C3orf18: variants seen among roughly 807,000 people sequenced by gnomAD.
C3orf18 encodes the protein chromosome 3 open reading frame 18.
In C3orf18, 12 loss-of-function variants were observed where a neutral mutation model predicts 14.1. The ratio of observed to expected loss-of-function variants is 0.85; its 90% confidence interval spans 0.55 to 1.38. C3orf18 has a LOEUF of 1.38. Ranked by LOEUF, C3orf18 falls within the 40% of genes most tolerant of loss-of-function variation. The pLI, the probability that C3orf18 is intolerant of heterozygous loss-of-function variation, is 0.00. For synonymous variants in C3orf18, 82 were observed against 87.9 expected, an observed-to-expected ratio of 0.93 and a Z score of 0.38; for missense variants, 196 against 213.9, an observed-to-expected ratio of 0.92 and a Z score of 0.52.
chr3:50,560,866 T>C, intron 5 of C3orf18, 51 bp downstream of exon 5: 1 of 1,551,738 alleles, frequency 6.4e-7, no homozygotes, highest in Non-Finnish European at 8.7e-7. Flanking sequence ...AGGGTGAGGG[T>C]GGAGGACAGA....
intron 5 of C3orf18, among the ~76,000 whole-genome samples, chr3:50,560,029 G>A (rs1699870405): frequency 6.6e-6 from 1 of 152,216 alleles, no homozygotes; most frequent in Admixed American, 6.5e-5. Flanking sequence ...CCAGGCCCTA[G>A]CACAGGGGCT....
chr3:50,572,214 T>C, upstream of C3orf18: 1 of 1,609,056 alleles, frequency 6.2e-7, no homozygotes, highest in Non-Finnish European at 8.5e-7. Flanking sequence ...CAGAGGTAGG[T>C]GTGCCACCAG....
chr3:50,560,501 G>A (rs567829536), intron 5 of C3orf18, among the ~76,000 whole-genome samples: 8 of 152,206 alleles, frequency 5.3e-5, no homozygotes, highest in African/African-American at 7.2e-5. Context: ...TCAGGACCAC[G>A]GACCCTCAGG....
rs999138987 is a variant in C3orf18, at chr3:50,558,352, G to A, written c.*1305C>T. 2.5e-5 allele frequency: 6 copies of A among 241,440 alleles called. No homozygotes were observed. Among genetic ancestry groups the A allele is most frequent in the Admixed American group, 1.0e-4 (2 of 19,506 alleles). 15.0% of individuals were successfully genotyped at this position (241,440 alleles called of 1,614,324 possible). The stretch of plus-strand genomic sequence containing the variant: ...GCTTGTGTGCATATGTATGCCCAGC[G>A]TAAAAAAATGCCCTGCTCTTGTGGT... On this transcript the variant is annotated 3_prime_UTR_variant, in exon 6 of 6. Coordinates refer to ENST00000357203, the MANE Select transcript of C3orf18 (RefSeq NM_016210.5).
At chr3:50,572,189 T>C (rs780498611), upstream of C3orf18, 66 of 1,612,414 alleles carry the variant, frequency 4.1e-5, no homozygotes, top group Non-Finnish European at 5.4e-5. Context: ...CCAGTGTTTA[T>C]TCCTCGGCCA....
chr3:50,572,156 G>A (rs1247387643), upstream of C3orf18: 4 of 1,613,856 alleles, frequency 2.5e-6, no homozygotes, highest in African/African-American at 4.0e-5. Flanking sequence ...GACTTCCAGG[G>A]GCTCAGCCTA....
upstream of C3orf18, chr3:50,570,772 T>C (rs915126507): frequency 9.1e-6 from 2 of 220,882 alleles, no homozygotes; most frequent in African/African-American, 4.6e-5. Flanking sequence ...GAAGAAAACG[T>C]AAGTGGCCAA....
upstream of C3orf18, chr3:50,572,206 G>C: frequency 6.2e-7 from 1 of 1,610,518 alleles, no homozygotes; most frequent in South Asian, 1.1e-5. Flanking sequence ...GCCAGAAACA[G>C]AGGTAGGTGT....
At position 50,559,384 on chromosome 3, in the gene C3orf18, C is replaced by T. The variant is rs968555791; in HGVS notation, c.*273G>A. On this transcript the variant is annotated 3_prime_UTR_variant, in exon 6 of 6. Transcript: ENST00000357203. ...TCTGGACAGGGGATGAGGAAGCCAG[C>T]AGAGGCTCTTGACCTTCTCAGCATG... 5.9e-6 allele frequency: 8 copies of T among 1,347,248 alleles called. No individual in the cohort carries two copies. The highest frequency in any genetic ancestry group is 7.7e-6 in the Non-Finnish European group (8 of 1,044,904). 83.5% of individuals were successfully genotyped at this position (1,347,248 alleles called of 1,614,324 possible).
chr3:50,569,237 GC>G (rs1700607802), upstream of C3orf18: 1 of 152,370 alleles, frequency 6.6e-6, no homozygotes, highest in African/African-American at 2.4e-5. Context: ...TTGGGCTGGA[GC>G]CAAATCCCTG....
At chr3:50,562,468 T>C (rs747813744) in intron 3 of C3orf18, 2 of 454,192 alleles carry the variant, frequency 4.4e-6, no homozygotes, top group Non-Finnish European at 8.8e-6. Context: ...AGGCAAAAAG[T>C]AAAGGGACCC....
intron 3 of C3orf18, among the ~76,000 whole-genome samples, chr3:50,562,862 G>A (rs1700074695): frequency 6.6e-6 from 1 of 152,204 alleles, no homozygotes; most frequent in Non-Finnish European, 1.5e-5. Context: ...GGCAGCCTGA[G>A]AAAACATCTA....
Position 50,558,674 on chromosome 3 carries a change from A to G in C3orf18, c.*983T>C. ...AACCCCAGATCCTCATTAGAGCCCA[A>G]GACAGGGAGCCGTTTTCAGAAGCAG... On this transcript the variant is annotated 3_prime_UTR_variant, in exon 6 of 6. Transcript: ENST00000357203. The G allele has an allele frequency of 1.6e-6, 2 of 1,281,812 alleles. No individual in the cohort carries two copies. Among genetic ancestry groups the G allele is most frequent in the Non-Finnish European group, 2.0e-6 (2 of 983,992 alleles). The allele number at this position is 1,281,812 out of a possible 1,614,324, so 79.4% of individuals were successfully genotyped here. A position where few individuals can be genotyped will look rare whatever the true frequency, so the allele number is the denominator to read the frequency against.
At chr3:50,568,374 C>A (rs146634968), upstream of C3orf18, among the ~76,000 whole-genome samples, 65 of 152,224 alleles carry the variant, frequency 4.3e-4, no homozygotes, top group East Asian at 0.012. Flanking sequence ...TAGCCTGGTA[C>A]AAATGCAAAC....
Position 50,559,075 on chromosome 3 carries a change from A to G in C3orf18, c.*582T>C. 2 of 1,289,792 alleles carry G rather than the reference A, an allele frequency of 1.6e-6. No individual in the cohort carries two copies. Among genetic ancestry groups the G allele is most frequent in the Non-Finnish European group, 2.0e-6 (2 of 988,850 alleles). The allele number at this position is 1,289,792 out of a possible 1,614,324, so 79.9% of individuals were successfully genotyped here. A position where few individuals can be genotyped will look rare whatever the true frequency, so the allele number is the denominator to read the frequency against. ...CTGGGAGACCTCCTGGACCCTCCGT[A>G]GTATGGATGGACCCTGGGTGTGAAT... On this transcript the variant is annotated 3_prime_UTR_variant, in exon 6 of 6. Transcript: ENST00000357203.
chr3:50,571,187 C>G (rs933458831), upstream of C3orf18: 1 of 1,613,692 alleles, frequency 6.2e-7, no homozygotes, highest in African/African-American at 1.3e-5. Flanking sequence ...GCCTTCAGCT[C>G]ATGGCAACCC....
chr3:50,572,251 G>A (rs751226560), upstream of C3orf18: 11 of 1,592,020 alleles, frequency 6.9e-6, no homozygotes, highest in South Asian at 1.1e-5. Flanking sequence ...GATGATGGTG[G>A]AGTTCAGGGC....
rs1232849472 is a variant in C3orf18, at chr3:50,565,102, C to G, written c.234+364G>C. ...TAGATTGTTGGCGGGCACAGAGGCTCATGTCTGTAATCCCAGCACTTTGGG... is the reference window on the plus strand; with the variant it reads ...TAGATTGTTGGCGGGCACAGAGGCTGATGTCTGTAATCCCAGCACTTTGGG... On this transcript the variant is annotated intron_variant, in intron 3 of 5. Coordinates refer to ENST00000357203, the MANE Select transcript of C3orf18 (RefSeq NM_016210.5). This position sits in a 1 kb window ranked among gnomAD's most constrained non-coding sequence, Gnocchi z 4.4. 6.6e-6 allele frequency among the ~76,000 whole-genome samples: 1 copy of G among 152,206 alleles called. No individual in the cohort carries two copies. Among genetic ancestry groups the G allele is most frequent in the African/African-American group, 2.4e-5 (1 of 41,432 alleles).
rs776142426 is a variant in C3orf18, at chr3:50,561,744, A to C, written c.238T>G (p.Leu80Val). ...TACCTCTTCTTCTTCCTGATGTACAAAACCTGCAAGAGAAGGAGCAGCATC... is the reference window on the plus strand; with the variant it reads ...TACCTCTTCTTCTTCCTGATGTACACAACCTGCAAGAGAAGGAGCAGCATC... ...TVIGLAVALV[L>V]YIRKKKRLEK... Residue 80 changes from leucine to valine, a missense_variant, in exon 4 of 6, where the codon TTG (leucine) becomes GTG (valine). Coordinates refer to ENST00000357203, the MANE Select transcript of C3orf18 (RefSeq NM_016210.5). 1.9e-6 allele frequency: 3 copies of C among 1,613,748 alleles called. No homozygotes were observed. The highest frequency in any genetic ancestry group is 2.2e-5 in the South Asian group (2 of 91,054).
Sources: gnomAD v4.1 joint callset for allele counts (sites outside exome capture counted in the v4.1 genomes callset) on GRCh38, gnomAD v4.1.1 for gene constraint, Gnocchi (gnomAD v3.1) non-coding constraint, MANE v1.5 for transcripts, NCBI Gene and HGNC (gene_info 2026-07-23, HGNC 2026-07-21) for gene names.